The following EML6 variants were observed in gnomAD, a reference collection of about 807,000 sequenced individuals.
EML6 encodes echinoderm microtubule-associated protein-like 6.
Under a neutral mutation model 240.1 loss-of-function variants are expected in EML6, and 154 were observed. The observed-to-expected ratio is 0.64, with a 90% CI of 0.56 to 0.73. EML6 has a LOEUF of 0.73. Among genes scored for constraint, EML6 ranks in the 30% least tolerant of loss-of-function variants. The pLI is 0.00. For missense variants in EML6, 2,964 were observed against 2,474.6 expected (o/e 1.20, Z -4.20); for synonymous variants, 1,148 against 899.0 (o/e 1.28, Z -4.95).
intron 2 of EML6, among the ~76,000 whole-genome samples, chr2:54,795,358 G>A (rs1669702182): frequency 6.6e-6 from 1 of 152,128 alleles, no homozygotes; most frequent in Non-Finnish European, 1.5e-5. Flanking sequence ...GATCTTGTGA[G>A]AAATCACTAT....
intron 2 of EML6, among the ~76,000 whole-genome samples, chr2:54,802,650 ACTACTACTACTACTACTG>A (rs1384746912): frequency 6.7e-6 from 1 of 149,018 alleles, no homozygotes; most frequent in South Asian, 2.1e-4. Flanking sequence ...TACTACTACT[ACTACTACTACTACTACTG>A]CTACTACTAC....
chr2:54,959,036 G>T, intron 33 of EML6, 68 bp from the exon 34 acceptor site: 5 of 1,430,380 alleles, frequency 3.5e-6, no homozygotes, highest in Non-Finnish European at 4.7e-6. Flanking sequence ...CTTAATGAGA[G>T]AACGGGTGGC....
chr2:54,939,986 C>G (rs1184634976), intron 28 of EML6, among the ~76,000 whole-genome samples: 1 of 152,212 alleles, frequency 6.6e-6, no homozygotes, highest in African/African-American at 2.4e-5. Flanking sequence ...TGTGAATATT[C>G]TGCATTAATA....
chr2:54,848,746 A>AG (rs993131144), intron 9 of EML6, among the ~76,000 whole-genome samples: 1 of 152,166 alleles, frequency 6.6e-6, no homozygotes, highest in Non-Finnish European at 1.5e-5. Context: ...TCACAATTGT[A>AG]GGGAAAAAAC....
intron 2 of EML6, among the ~76,000 whole-genome samples, chr2:54,760,619 C>G (rs1667935484): frequency 6.6e-6 from 1 of 152,152 alleles, no homozygotes. Flanking sequence ...GTATATGACA[C>G]TATCAAATTC....
In EML6 at chr2:54,730,804, A is replaced by C. The variant is rs548708299; in HGVS notation, c.197+5546A>C. Among the ~76,000 whole-genome samples, 3 of 152,306 alleles carry C rather than the reference A, an allele frequency of 2.0e-5. No individual in the cohort carries two copies. In the East Asian group the frequency reaches 5.8e-4, roughly 29 times the overall value. ...TAAGTTGGGTGTAATTTATTCTTTCATATTTGTTAATTCATCAAAAACTCA... is the reference window on the plus strand; with the variant it reads ...TAAGTTGGGTGTAATTTATTCTTTCCTATTTGTTAATTCATCAAAAACTCA... On this transcript the variant is annotated intron_variant, in intron 2 of 41. Transcript: ENST00000356458.
intron 5 of EML6, among the ~76,000 whole-genome samples, chr2:54,822,431 C>T (rs1395827608): frequency 6.6e-6 from 1 of 152,154 alleles, no homozygotes; most frequent in African/African-American, 2.4e-5. Context: ...AGAGCTGACT[C>T]ATTGCTGAGT....
Position 54,725,979 on chromosome 2 carries a change from C to G in EML6, c.197+721C>G, listed in dbSNP as rs1220297949. Among the ~76,000 whole-genome samples the G allele has an allele frequency of 1.3e-5, 2 of 152,162 alleles. No individual in the cohort carries two copies. The highest frequency in any genetic ancestry group is 2.9e-5 in the Non-Finnish European group (2 of 68,032). ...CAGGAGAGCTCATTTGGATGAATGG[C>G]CGTTTTAGGGGCCCTCCCGATTAAA... On this transcript the variant is annotated intron_variant, in intron 2 of 41. Coordinates refer to ENST00000356458, the MANE Select transcript of EML6 (RefSeq NM_001039753.4). This position sits in a 1 kb window ranked among gnomAD's most constrained non-coding sequence, Gnocchi z 4.3.
intron 17 of EML6, among the ~76,000 whole-genome samples, chr2:54,885,088 C>G (rs1163691923): frequency 2.0e-5 from 3 of 152,108 alleles, no homozygotes; most frequent in African/African-American, 4.8e-5. Flanking sequence ...GCCCGGGAGG[C>G]AGAGGTTGCA....
chr2:54,795,396 C>T (rs1038720450), intron 2 of EML6, among the ~76,000 whole-genome samples: 2 of 152,148 alleles, frequency 1.3e-5, no homozygotes, highest in African/African-American at 4.8e-5. Flanking sequence ...AATCTGCCCC[C>T]ATTATCCAGT....
intron 2 of EML6, among the ~76,000 whole-genome samples, chr2:54,733,118 C>T (rs1301372379): frequency 6.6e-6 from 1 of 152,262 alleles, no homozygotes; most frequent in East Asian, 1.9e-4. Flanking sequence ...CTGCCTGCCA[C>T]TCCCTTTCCC....
chr2:54,903,621 C>T (rs1183812188), intron 24 of EML6, 119 bp downstream of exon 24: 1 of 460,328 alleles, frequency 2.2e-6, no homozygotes, highest in Non-Finnish European at 3.8e-6. Flanking sequence ...AATCCCACAA[C>T]AATATAAACG....
chr2:54,941,857 C>CT (rs1675445969), intron 28 of EML6, among the ~76,000 whole-genome samples: 1 of 152,252 alleles, frequency 6.6e-6, no homozygotes, highest in Non-Finnish European at 1.5e-5. Context: ...TGCAAGAGTT[C>CT]TGCCCGCATA....
intron 28 of EML6, among the ~76,000 whole-genome samples, chr2:54,931,557 C>A (rs1674866615): frequency 6.6e-6 from 1 of 152,176 alleles, no homozygotes; most frequent in South Asian, 2.1e-4. Context: ...ATACTGTTTT[C>A]TTTGGCAACT....
intron 7 of EML6, among the ~76,000 whole-genome samples, chr2:54,836,165 A>G (rs543772392): frequency 8.0e-4 from 122 of 152,250 alleles, no homozygotes; most frequent in African/African-American, 2.9e-3. Context: ...ATGTGGTGTC[A>G]CTGTGTGCGC....
At chr2:54,895,513 A>G in intron 21 of EML6, 113 bp downstream of exon 21, 4 of 1,047,704 alleles carry the variant, frequency 3.8e-6, no homozygotes, top group Non-Finnish European at 5.6e-6. Context: ...TCAGGGTTGC[A>G]CAAGAGTTGA....
chr2:54,876,515 T>G (rs1414809990), intron 16 of EML6, among the ~76,000 whole-genome samples: 2 of 152,168 alleles, frequency 1.3e-5, no homozygotes, highest in Non-Finnish European at 2.9e-5. Flanking sequence ...CCCGGCAAAA[T>G]CAGCTTATCC....
intron 28 of EML6, among the ~76,000 whole-genome samples, chr2:54,937,278 C>CA (rs148412435): frequency 0.33 from 46,968 of 140,382 alleles, 7,815 homozygotes; most frequent in African/African-American, 0.36. Flanking sequence ...AACTCTGTCT[C>CA]AAAAAAAAAA....
chr2:54,844,285 G>A, intron 8 of EML6, 37 bp downstream of exon 8: 1 of 1,509,082 alleles, frequency 6.6e-7, no homozygotes, highest in Non-Finnish European at 9.0e-7. Flanking sequence ...TGACTTCTTT[G>A]AGATGGATTT....
Sources: allele counts gnomAD v4.1 joint callset (sites outside exome capture counted in the v4.1 genomes callset), GRCh38; gene constraint gnomAD v4.1.1; non-coding constraint Gnocchi (gnomAD v3.1); transcripts MANE v1.5; gene names NCBI Gene and HGNC (gene_info 2026-07-23, HGNC 2026-07-21).